CARHSP1: variants seen among roughly 807,000 people sequenced by gnomAD.
CARHSP1 encodes calcium-regulated heat-stable protein 1.
Under a neutral mutation model 12.5 loss-of-function variants are expected in CARHSP1, and 14 were observed. The ratio of observed to expected loss-of-function variants is 1.12; its 90% CI spans 0.74 to 1.75. CARHSP1 has a LOEUF of 1.75. CARHSP1 is among the 40% of genes most tolerant of loss of function. The pLI is 0.00. For synonymous variants in CARHSP1, 161 were observed against 82.0 expected, an observed-to-expected ratio of 1.96 and a Z score of -5.20; for missense variants, 343 against 201.6, an observed-to-expected ratio of 1.70 and a Z score of -4.25.
chr16:8,857,756 A>ATTTTTTTTT (rs1491390816), intron 3 of CARHSP1: 1 of 29,028 alleles, frequency 3.4e-5, no homozygotes, highest in African/African-American at 1.1e-4. Flanking sequence ...CGCCCTGCTC[A>ATTTTTTTTT]TTATTTTTTT....
intron 1 of CARHSP1, chr16:8,861,634 T>C: frequency 7.8e-7 from 1 of 1,289,162 alleles, no homozygotes; most frequent in Non-Finnish European, 1.0e-6. Context: ...AGCTGGTGGC[T>C]GGCTTGCCTT....
chr16:8,853,565 C>T lies in CARHSP1; in HGVS notation c.*1599G>A, dbSNP rs971511286. 6.6e-6 allele frequency: 1 copy of T among 152,202 alleles called. No homozygotes were observed. 9.4% of individuals were successfully genotyped at this position (152,202 alleles called of 1,614,324 possible). On this transcript the variant is annotated 3_prime_UTR_variant, in exon 4 of 4. Transcript: ENST00000311052. ...CTCATCAGAGTTGAGGAGTACCTAC[C>T]TGATGAAGCTGTTCATGCTTCCAGC... is the stretch of plus-strand genomic sequence containing the variant.
intron 2 of CARHSP1, 198 bp downstream of exon 2, chr16:8,858,972 AG>A: frequency 2.0e-6 from 1 of 497,190 alleles, no homozygotes; most frequent in Non-Finnish European, 3.5e-6. Context: ...AGCTGGTAAC[AG>A]GTTCTTCTGG....
At chr16:8,863,268 G>A (rs117589561) in intron 1 of CARHSP1, among the ~76,000 whole-genome samples, 6,967 of 147,242 alleles carry the variant, frequency 0.047, 238 homozygotes, top group Middle Eastern at 0.14. Flanking sequence ...CTACGGCCAC[G>A]TGCCACCACA....
intron 3 of CARHSP1, among the ~76,000 whole-genome samples, chr16:8,857,273 T>TTTGTTTTTTTTTTTTG (rs1567181158): frequency 4.4e-5 from 2 of 45,552 alleles, no homozygotes; most frequent in African/African-American, 1.8e-4. Flanking sequence ...GTTTTTTTTT[T>TTTGTTTTTTTTTTTTG]TTTTTTTTTT....
In CARHSP1 at chr16:8,854,914, C is replaced by A. The variant is rs555774773; in HGVS notation, c.*250G>T. On this transcript the variant is annotated 3_prime_UTR_variant, in exon 4 of 4. Coordinates refer to ENST00000311052, the MANE Select transcript of CARHSP1 (RefSeq NM_014316.4). Reference sequence around the variant, plus strand: ...CACTCAGCCACCAGTGGGCACCTCTCCTTTTTAAATGCTTTTAATGCTCTT... The same window carrying A: ...CACTCAGCCACCAGTGGGCACCTCTACTTTTTAAATGCTTTTAATGCTCTT... 8.8e-6 allele frequency: 3 copies of A among 341,076 alleles called. No individual in the cohort carries two copies. Among genetic ancestry groups the A allele is most frequent in the East Asian group, 8.8e-5 (2 of 22,630 alleles). 21.1% of individuals were successfully genotyped at this position (341,076 alleles called of 1,614,324 possible). A position where few individuals can be genotyped will look rare whatever the true frequency, so the allele number is the denominator to read the frequency against.
rs77448541 is a variant in CARHSP1, at chr16:8,866,460, G to C, written c.-8+2506C>G. 6.9e-3 allele frequency: 6,805 copies of C among 985,258 alleles called. 365 individuals carry two copies. The African/African-American group carries it at 0.11, about 16-fold the overall frequency. 61.0% of individuals were successfully genotyped at this position (985,258 alleles called of 1,614,324 possible). A position where few individuals can be genotyped will look rare whatever the true frequency, so the allele number is the denominator to read the frequency against. On this transcript the variant is annotated intron_variant, in intron 1 of 3. Coordinates refer to ENST00000311052, the MANE Select transcript of CARHSP1 (RefSeq NM_014316.4). ...GGTTCCTCCTTTGTAAACAGACAGAGACACTGAGCTGACCCATCCCAGTCT... is the reference window on the plus strand; with the variant it reads ...GGTTCCTCCTTTGTAAACAGACAGACACACTGAGCTGACCCATCCCAGTCT...
chr16:8,859,247 C>A lies in CARHSP1; in HGVS notation c.82G>T (p.Glu28Ter). ...CCCCGCAGAGGGGATGGTGAGCGCT[C>A]ACGGCTCCGAGGGGTGTCCAGCAGC... Reference protein sequence around the residue: ...VGLLDTPRSRERSPSPLRGNV... With the variant: ...VGLLDTPRSR The change falls in exon 2 of 4, where the codon GAG becomes TAG. Residue 28 changes from glutamate (E) to a stop codon, truncating the protein, a stop_gained. Coordinates refer to ENST00000311052, the MANE Select transcript of CARHSP1 (RefSeq NM_014316.4). LOFTEE classifies it high-confidence loss of function. 1 of 1,599,618 alleles carries A rather than the reference C, an allele frequency of 6.3e-7. No homozygotes were observed. Among genetic ancestry groups the A allele is most frequent in the African/African-American group, 1.4e-5 (1 of 71,506 alleles).
Position 8,858,913 on chromosome 16 carries a change from A to G in CARHSP1, c.158+258T>C, listed in dbSNP as rs2061246932. On this transcript the variant is annotated intron_variant, in intron 2 of 3. Coordinates refer to ENST00000311052, the MANE Select transcript of CARHSP1 (RefSeq NM_014316.4). ...GGGAACCAGACTCTCATGTGTGGTT[A>G]AAGCCCAGCGATTCTGACCCCAGCA... The G allele has an allele frequency of 2.0e-5, 9 of 449,754 alleles. 2 individuals carry two copies. In the South Asian group the frequency reaches 3.5e-4, roughly 17 times the overall value. 27.9% of individuals were successfully genotyped at this position (449,754 alleles called of 1,614,324 possible). A position where few individuals can be genotyped will look rare whatever the true frequency, so the allele number is the denominator to read the frequency against.
chr16:8,861,452 C>T (rs1368305081), intron 1 of CARHSP1, among the ~76,000 whole-genome samples: 1 of 151,814 alleles, frequency 6.6e-6, no homozygotes, highest in Non-Finnish European at 1.5e-5. Context: ...AGTCTTCAAC[C>T]TACATCACCC....
chr16:8,855,396 A>C, intron 3 of CARHSP1, 70 bp from the exon 4 acceptor site: 4 of 1,343,252 alleles, frequency 3.0e-6, no homozygotes, highest in South Asian at 3.5e-5. Flanking sequence ...GACACCAGCC[A>C]CCCTTCTGGT....
In CARHSP1 at chr16:8,859,229, G is replaced by A. The variant is rs1388551913; in HGVS notation, c.100C>T (p.Leu34=). 6.2e-7 allele frequency: 1 copy of A among 1,602,636 alleles called. No individual in the cohort carries two copies. The highest frequency in any genetic ancestry group is 1.1e-5 in the South Asian group (1 of 89,276). The stretch of plus-strand genomic sequence containing the variant: ...GGGCTTGGGACCACGTTGCCCCGCA[G>A]AGGGGATGGTGAGCGCTCACGGCTC... The part of the protein sequence containing the change: ...PRSRERSPSP[L]RGNVVPSPLP... Residue 34 remains leucine (L), a synonymous_variant, in exon 2 of 4, where the codon CTG becomes TTG. Coordinates refer to ENST00000311052, the MANE Select transcript of CARHSP1 (RefSeq NM_014316.4).
At chr16:8,861,435 T>C (rs2141113566) in intron 1 of CARHSP1, among the ~76,000 whole-genome samples, 1 of 150,314 alleles carries the variant, frequency 6.7e-6, no homozygotes, top group South Asian at 2.2e-4. Context: ...GTCCCCTCAT[T>C]TATAGGAGTC....
chr16:8,863,112 CTTTTTTTT>C (rs71155412), intron 1 of CARHSP1, among the ~76,000 whole-genome samples: 7 of 74,142 alleles, frequency 9.4e-5, no homozygotes, highest in Admixed American at 2.0e-4. Context: ...ACAAGGATGG[CTTTTTTTT>C]TTTTTTTTTT....
At position 8,859,247 on chromosome 16, in the gene CARHSP1, C is replaced by T. The variant is rs142346711; in HGVS notation, c.82G>A (p.Glu28Lys). The change falls in exon 2 of 4, where the codon GAG (glutamate) becomes AAG (lysine). Residue 28 changes from glutamate to lysine, a missense_variant. Coordinates refer to ENST00000311052, the MANE Select transcript of CARHSP1 (RefSeq NM_014316.4). ...VGLLDTPRSR[E>K]RSPSPLRGNV... ...CCCCGCAGAGGGGATGGTGAGCGCT[C>T]ACGGCTCCGAGGGGTGTCCAGCAGC... The T allele has an allele frequency of 4.4e-6, 7 of 1,599,806 alleles. No homozygotes were observed. Among genetic ancestry groups the T allele is most frequent in the East Asian group, 2.2e-5 (1 of 44,548 alleles).
chr16:8,861,611 T>G (rs1199610922), intron 1 of CARHSP1: 1 of 1,289,012 alleles, frequency 7.8e-7, no homozygotes, highest in East Asian at 5.6e-5. Flanking sequence ...GCCTCAGTTC[T>G]GTCGGGCTGG....
intron 1 of CARHSP1, chr16:8,860,382 C>T (rs774823521): frequency 5.1e-6 from 5 of 985,334 alleles, no homozygotes; most frequent in Non-Finnish European, 2.4e-6. Context: ...CGGGAATTCC[C>T]TAGCTGCTGC....
chr16:8,866,895 G>GC (rs895774733), intron 1 of CARHSP1, among the ~76,000 whole-genome samples: 6 of 152,158 alleles, frequency 3.9e-5, no homozygotes, highest in Admixed American at 3.3e-4. Flanking sequence ...CCCCTCCCAG[G>GC]CCCCGCCAAG....
chr16:8,864,798 G>A (rs549778025), intron 1 of CARHSP1, among the ~76,000 whole-genome samples: 1 of 152,290 alleles, frequency 6.6e-6, no homozygotes, highest in Admixed American at 6.5e-5. Context: ...GGGAGAAGGG[G>A]GCCTCGGCCG....
Sources: gnomAD v4.1 joint callset for allele counts (sites outside exome capture counted in the v4.1 genomes callset) on GRCh38, gnomAD v4.1.1 for gene constraint, MANE v1.5 for transcripts, NCBI Gene and HGNC (gene_info 2026-07-23, HGNC 2026-07-21) for gene names.